NELL1: variants seen among roughly 807,000 people sequenced by gnomAD.
NELL1 encodes protein kinase C-binding protein NELL1.
Under a neutral mutation model 107.4 loss-of-function variants are expected in NELL1, and 76 were observed. The observed-to-expected ratio is 0.71, with a 90% confidence interval of 0.59 to 0.86. NELL1 has a LOEUF of 0.86. Among genes scored for constraint, NELL1 ranks in the 40% least tolerant of loss-of-function variants. The probability of loss-of-function intolerance (pLI) is 0.00; values close to 1 mark genes in which losing one functional copy is unlikely to be tolerated. For missense variants in NELL1, 1,024 were observed against 1,005.5 expected, an observed-to-expected ratio of 1.02 and a Z score of -0.25; for synonymous variants, 353 against 341.2, an observed-to-expected ratio of 1.03 and a Z score of -0.38.
chr11:21,081,581 C>T (rs967759423), intron 12 of NELL1, among the ~76,000 whole-genome samples: 2 of 152,060 alleles, frequency 1.3e-5, no homozygotes, highest in Admixed American at 6.6e-5. Flanking sequence ...ATTATAGCAC[C>T]GTCCCTCCAA....
intron 16 of NELL1, among the ~76,000 whole-genome samples, chr11:21,541,295 G>A (rs1856287525): frequency 6.6e-6 from 1 of 152,096 alleles, no homozygotes; most frequent in African/African-American, 2.4e-5. Context: ...CCTAGACTCT[G>A]GAGCCTGCTC....
At chr11:21,191,889 A>G (rs1410828234) in intron 13 of NELL1, among the ~76,000 whole-genome samples, 1 of 151,952 alleles carries the variant, frequency 6.6e-6, no homozygotes, top group Non-Finnish European at 1.5e-5. Context: ...AGCATTATTC[A>G]AATATAACTT....
At chr11:21,004,249 T>G (rs919651729) in intron 12 of NELL1, among the ~76,000 whole-genome samples, 1 of 152,194 alleles carries the variant, frequency 6.6e-6, no homozygotes, top group African/African-American at 2.4e-5. Flanking sequence ...TTATGTGTAC[T>G]GGCATGTAGT....
intron 2 of NELL1, among the ~76,000 whole-genome samples, chr11:20,717,776 C>G (rs1263028846): frequency 2.6e-5 from 4 of 151,942 alleles, no homozygotes; most frequent in African/African-American, 9.7e-5. Flanking sequence ...TTTTTTTGGT[C>G]TCCTTTAATT....
At chr11:21,213,621 G>T (rs187840614) in intron 13 of NELL1, among the ~76,000 whole-genome samples, 8 of 152,206 alleles carry the variant, frequency 5.3e-5, no homozygotes, top group African/African-American at 1.9e-4. Flanking sequence ...TCAAGACAGC[G>T]TAGTATTGGC....
chr11:21,161,053 A>G (rs775077292), intron 13 of NELL1, among the ~76,000 whole-genome samples: 2 of 150,948 alleles, frequency 1.3e-5, no homozygotes, highest in Non-Finnish European at 2.9e-5. Flanking sequence ...ATTTATTAGT[A>G]TTAGTAACAT....
chr11:21,432,879 C>T (rs1853001589), intron 15 of NELL1, among the ~76,000 whole-genome samples: 3 of 152,094 alleles, frequency 2.0e-5, no homozygotes, highest in African/African-American at 7.2e-5. Flanking sequence ...AAAATTCTGT[C>T]TTCTGGCTTT....
chr11:20,809,759 A>C (rs1422021632), intron 3 of NELL1, among the ~76,000 whole-genome samples: 1 of 152,180 alleles, frequency 6.6e-6, no homozygotes, highest in Non-Finnish European at 1.5e-5. Flanking sequence ...TATTTTAAAC[A>C]CATTTATTCA....
At chr11:21,401,872 A>G (rs1852104762) in intron 15 of NELL1, among the ~76,000 whole-genome samples, 1 of 151,744 alleles carries the variant, frequency 6.6e-6, no homozygotes. Context: ...TGAGATAATA[A>G]CCTCTACTTT....
chr11:21,390,161 A>G (rs1391927285), intron 15 of NELL1, among the ~76,000 whole-genome samples: 2 of 151,724 alleles, frequency 1.3e-5, no homozygotes, highest in South Asian at 4.1e-4. Flanking sequence ...TACCTAGTGG[A>G]ACATATATGC....
At chr11:20,892,669 A>T (rs534638080) in intron 5 of NELL1, among the ~76,000 whole-genome samples, 1 of 152,322 alleles carries the variant, frequency 6.6e-6, no homozygotes, top group South Asian at 2.1e-4. Context: ...GGTGGCTCAC[A>T]CCTGTAATCC....
chr11:21,316,927 A>G (rs1337402865), intron 14 of NELL1, among the ~76,000 whole-genome samples: 2 of 152,172 alleles, frequency 1.3e-5, no homozygotes, highest in South Asian at 2.1e-4. Flanking sequence ...GGGAACACAT[A>G]CATTATTATC....
At chr11:21,092,338 G>A (rs1854540511) in intron 12 of NELL1, among the ~76,000 whole-genome samples, 1 of 152,100 alleles carries the variant, frequency 6.6e-6, no homozygotes, top group Non-Finnish European at 1.5e-5. Flanking sequence ...GGATCTAGTA[G>A]GTTTTGGCTG....
Position 21,138,447 on chromosome 11 carries a change from C to T in NELL1, c.1426+24733C>T, listed in dbSNP as rs142615626. ...ACAAACCATCTATCACTCAGAGACA[C>T]GTCAACAAGAAAATAAAAAGTGAAC... On this transcript the variant is annotated intron_variant, in intron 13 of 19. Transcript: ENST00000357134. Among the ~76,000 whole-genome samples, 10 of 152,298 alleles carry T rather than the reference C, an allele frequency of 6.6e-5. No individual in the cohort carries two copies. In the East Asian group the frequency reaches 7.7e-4, roughly 12 times the overall value.
At chr11:20,996,189 A>T (rs765614205) in intron 12 of NELL1, among the ~76,000 whole-genome samples, 3 of 152,070 alleles carry the variant, frequency 2.0e-5, no homozygotes, top group Non-Finnish European at 4.4e-5. Flanking sequence ...GTTTGGATGG[A>T]CTCAGCTCAT....
chr11:20,785,625 T>C (rs1415178286), intron 3 of NELL1, among the ~76,000 whole-genome samples: 2 of 152,232 alleles, frequency 1.3e-5, no homozygotes, highest in South Asian at 2.1e-4. Context: ...CAGTTGCTAT[T>C]ATATTAGAAA....
intron 2 of NELL1, among the ~76,000 whole-genome samples, chr11:20,680,209 T>C (rs7106363): frequency 0.21 from 31,635 of 152,060 alleles, 4,369 homozygotes; most frequent in African/African-American, 0.39. Flanking sequence ...GTAACATAAT[T>C]ATAGATTCTG....
At chr11:20,851,248 T>C (rs1015241845) in intron 4 of NELL1, among the ~76,000 whole-genome samples, 9 of 152,212 alleles carry the variant, frequency 5.9e-5, no homozygotes, top group Non-Finnish European at 1.2e-4. Context: ...TCAGACCTAA[T>C]TGTACAAATT....
chr11:21,407,941 A>C (rs1312294899), intron 15 of NELL1, among the ~76,000 whole-genome samples: 2 of 151,932 alleles, frequency 1.3e-5, no homozygotes, highest in African/African-American at 4.8e-5. Context: ...CTTCCAGCTG[A>C]ATGGCATCTC....
Sources: allele counts gnomAD v4.1 joint callset (sites outside exome capture counted in the v4.1 genomes callset), GRCh38; gene constraint gnomAD v4.1.1; transcripts MANE v1.5; gene names NCBI Gene and HGNC (gene_info 2026-07-23, HGNC 2026-07-21).